SYNE1: variants seen among roughly 807,000 people sequenced by gnomAD.
SYNE1 encodes spectrin repeat containing nuclear envelope protein 1.
A neutral mutation model predicts 1,111.0 loss-of-function variants in SYNE1; 616 were observed. The ratio of observed to expected loss-of-function variants is 0.55; its 90% CI spans 0.52 to 0.59. SYNE1 has a LOEUF of 0.59. Ranked by LOEUF, SYNE1 falls within the 20% of genes least tolerant of loss-of-function variation. The pLI, the probability that SYNE1 is intolerant of heterozygous loss-of-function variation, is 0.00. For missense variants in SYNE1, 10,006 were observed against 10,417.0 expected, an observed-to-expected ratio of 0.96 and a Z score of 1.72; for synonymous variants, 3,855 against 3,825.8, an observed-to-expected ratio of 1.01 and a Z score of -0.28.
chr6:152,140,021 A>G lies in SYNE1; in HGVS notation c.25387T>C (p.Leu8463=), dbSNP rs368461726. The G allele has an allele frequency of 4.3e-6, 7 of 1,613,768 alleles. No homozygotes were observed. In the African/African-American group the frequency reaches 8.0e-5, roughly 18 times the overall value. Residue 8463 remains leucine (L), a synonymous_variant, in exon 140 of 146, where the codon TTG becomes CTG. Coordinates refer to ENST00000367255, the MANE Select transcript of SYNE1 (RefSeq NM_182961.4). ...AGTTCCAGACGCTGGAGCTGTTCCAACTCCTCCTCCGTGTCCCCCAGCCAG... is the reference window on the plus strand; with the variant it reads ...AGTTCCAGACGCTGGAGCTGTTCCAGCTCCTCCTCCGTGTCCCCCAGCCAG... The part of the protein sequence containing the change: ...WAWLGDTEEE[L]EQLQRLELST...
In SYNE1 at chr6:152,385,367, C is replaced by T. The variant is rs116482769; in HGVS notation, c.8652+307G>A. ...CTAAGTTACTATATAAACTTTTCTT[C>T]TATGGTGCTAAACAATAGTATCTGG... On this transcript the variant is annotated intron_variant, in intron 55 of 145. Transcript: ENST00000367255. 0.013 allele frequency among the ~76,000 whole-genome samples: 2,025 copies of T among 152,246 alleles called. 39 individuals are homozygous for T. Among genetic ancestry groups the T allele is most frequent in the African/African-American group, 0.04 (1,661 of 41,540 alleles).
At chr6:152,185,431 A>C (rs1187121945) in intron 128 of SYNE1, 1 of 152,206 alleles carries the variant, frequency 6.6e-6, no homozygotes, top group African/African-American at 2.4e-5. Flanking sequence ...GCACAAGCTC[A>C]TTTCCTTTTG....
rs1185654476 is a variant in SYNE1, at chr6:152,353,672, CCAGTATCT to C, written c.10991_10998del (p.Glu3664GlyfsTer53). 1 of 1,614,182 alleles carries C rather than the reference CCAGTATCT, an allele frequency of 6.2e-7. No homozygotes were observed. Among genetic ancestry groups the C allele is most frequent in the Non-Finnish European group, 8.5e-7 (1 of 1,180,044 alleles). ...ATTCTGCTGTTCACGTGGCTCTCGTCCAGTATCTCCTGAGCTCTAGCTCCCACTTCCTC... is the reference window on the plus strand; with the variant it reads ...ATTCTGCTGTTCACGTGGCTCTCGTCCCTGAGCTCTAGCTCCCACTTCCTC... On this transcript the variant is annotated frameshift_variant, in exon 68 of 146. Transcript: ENST00000367255. LOFTEE classifies it high-confidence loss of function.
intron 2 of SYNE1, among the ~76,000 whole-genome samples, chr6:152,636,017 C>T (rs531836966): frequency 1.3e-5 from 2 of 152,318 alleles, no homozygotes; most frequent in South Asian, 4.1e-4. Flanking sequence ...CTGTGCACCA[C>T]CATTTCCCAG....
Position 152,350,455 on chromosome 6 carries a change from A to G in SYNE1, c.11734-120T>C. ...AGTTAGAGCTACTTAGAAAACTACC[A>G]GGAATGGAAAACAACATAGTCATTA... On this transcript the variant is annotated intron_variant, in intron 71 of 145. Coordinates refer to ENST00000367255, the MANE Select transcript of SYNE1 (RefSeq NM_182961.4). The G allele has an allele frequency of 3.3e-6, 5 of 1,498,786 alleles. No homozygotes were observed. The South Asian group carries it at 3.4e-5, about 10-fold the overall frequency. The allele number at this position is 1,498,786 out of a possible 1,614,324, so 92.8% of individuals were successfully genotyped here. A position where few individuals can be genotyped will look rare whatever the true frequency, so the allele number is the denominator to read the frequency against.
chr6:152,618,059 G>C (rs1583518545), intron 3 of SYNE1, among the ~76,000 whole-genome samples: 1 of 152,288 alleles, frequency 6.6e-6, no homozygotes. Context: ...TCTAAGCAGG[G>C]AAGAAGACAA....
intron 39 of SYNE1, among the ~76,000 whole-genome samples, chr6:152,421,545 A>C (rs185585322): frequency 3.1e-4 from 47 of 152,194 alleles, no homozygotes; most frequent in African/African-American, 1.1e-3. Flanking sequence ...ATGTTACTAG[A>C]ATCTAACTTT....
intron 121 of SYNE1, among the ~76,000 whole-genome samples, chr6:152,217,838 C>T (rs2079111429): frequency 6.6e-6 from 1 of 152,110 alleles, no homozygotes; most frequent in Non-Finnish European, 1.5e-5. Context: ...ACTGCCAGCA[C>T]ACAGTCTACT....
chr6:152,514,673 TGAA>T (rs1241842035), intron 6 of SYNE1, among the ~76,000 whole-genome samples: 1 of 136,008 alleles, frequency 7.4e-6, no homozygotes, highest in Non-Finnish European at 1.6e-5. Context: ...AAAAAAAAAA[TGAA>T]GAGACGCCAA....
chr6:152,411,350 T>A lies in SYNE1; in HGVS notation c.6231-1641A>T, dbSNP rs998563978. Among the ~76,000 whole-genome samples the A allele has an allele frequency of 5.3e-5, 8 of 152,328 alleles. No homozygotes were observed. In the East Asian group the frequency reaches 1.5e-3, roughly 29 times the overall value. ...TTCATTTGTTATTTATTTATTTACT[T>A]ACTTATTTATTTTAGGTACCAGAGC... On this transcript the variant is annotated intron_variant, in intron 42 of 145. Coordinates refer to ENST00000367255, the MANE Select transcript of SYNE1 (RefSeq NM_182961.4).
chr6:152,629,504 C>G (rs2099693388), intron 2 of SYNE1, among the ~76,000 whole-genome samples: 1 of 76,158 alleles, frequency 1.3e-5, no homozygotes. Flanking sequence ...CCGTGCCTGG[C>G]TGGTTAAGTT....
Position 152,141,350 on chromosome 6 carries a change from G to A in SYNE1, c.25120-21C>T, listed in dbSNP as rs373283386. The stretch of plus-strand genomic sequence containing the variant: ...TTCATCTGTTTAGACATAAACAACC[G>A]GCCCCTGTCACCCAAATCTTCATGA... On this transcript the variant is annotated intron_variant, in intron 138 of 145. Transcript: ENST00000367255. The A allele has an allele frequency of 7.9e-5, 127 of 1,613,202 alleles. 1 individual carries two copies. Among genetic ancestry groups the A allele is most frequent in the African/African-American group, 5.2e-4 (39 of 74,966 alleles).
At chr6:152,314,697 T>G (rs2095654700) in intron 87 of SYNE1, among the ~76,000 whole-genome samples, 1 of 152,146 alleles carries the variant, frequency 6.6e-6, no homozygotes, top group Non-Finnish European at 1.5e-5. Flanking sequence ...ACGCTTGTAT[T>G]CCCAGAATTT....
At chr6:152,282,577 C>T (rs961168078) in intron 96 of SYNE1, among the ~76,000 whole-genome samples, 6 of 152,094 alleles carry the variant, frequency 3.9e-5, no homozygotes, top group Non-Finnish European at 7.4e-5. Context: ...TCAATCGCTT[C>T]ATTTTGAAAC....
intron 23 of SYNE1, 119 bp downstream of exon 23, chr6:152,455,767 G>A: frequency 1.4e-6 from 2 of 1,438,010 alleles, no homozygotes; most frequent in East Asian, 2.4e-5. Flanking sequence ...GACAATGATT[G>A]GCTTCCAAAC....
chr6:152,465,381 A>G lies in SYNE1; in HGVS notation c.1809T>C (p.Ser603=). Residue 603 remains serine, a synonymous_variant, in exon 18 of 146, where the codon AGT becomes AGC. Coordinates refer to ENST00000367255, the MANE Select transcript of SYNE1 (RefSeq NM_182961.4). The stretch of plus-strand genomic sequence containing the variant: ...TCACTTCTTCCAGCATGCTCCTCAC[A>G]CTCCTCACTTCTACTGAGAGATTCC... ...QWRNLSVEVR[S]VRSMLEEVIS... 6.2e-7 allele frequency: 1 copy of G among 1,613,376 alleles called. No homozygotes were observed.
At position 152,462,981 on chromosome 6, in the gene SYNE1, T is replaced by A. The variant is rs2098743223; in HGVS notation, c.2098-91A>T. The A allele has an allele frequency of 1.4e-5, 20 of 1,463,830 alleles. No individual in the cohort carries two copies. In the South Asian group the frequency reaches 2.2e-4, roughly 16 times the overall value. 90.7% of individuals were successfully genotyped at this position (1,463,830 alleles called of 1,614,324 possible). A position where few individuals can be genotyped will look rare whatever the true frequency, so the allele number is the denominator to read the frequency against. ...TTTCACTTTCACATATTCGCTGGAATTGTTATCCGGTAAGAAAGACTCTAA... is the reference window on the plus strand; with the variant it reads ...TTTCACTTTCACATATTCGCTGGAAATGTTATCCGGTAAGAAAGACTCTAA... On this transcript the variant is annotated intron_variant, in intron 19 of 145. Transcript: ENST00000367255.
rs1231867743 is a variant in SYNE1 at position 152,284,631 on chromosome 6, TTTTTTTA to T, written c.18013-466_18013-460del. On this transcript the variant is annotated intron_variant, in intron 95 of 145. Transcript: ENST00000367255. ...GGTAATTTTTTTTTTTTTTTTTTTT[TTTTTTTA>T]CTTTTTGTAAAGACAGGATCATGCT... Among the ~76,000 whole-genome samples the T allele has an allele frequency of 7.5e-5, 11 of 146,204 alleles. No homozygotes were observed. In the East Asian group the frequency reaches 1.8e-3, roughly 24 times the overall value.
At chr6:152,336,694 G>A in intron 76 of SYNE1, 147 bp downstream of exon 76, 1 of 1,048,728 alleles carries the variant, frequency 9.5e-7, no homozygotes, top group East Asian at 2.5e-5. Flanking sequence ...ATAACCTGGG[G>A]CTTGGGGACC....
Sources: allele counts gnomAD v4.1 joint callset (sites outside exome capture counted in the v4.1 genomes callset), GRCh38; gene constraint gnomAD v4.1.1; transcripts MANE v1.5; gene names NCBI Gene and HGNC (gene_info 2026-07-23, HGNC 2026-07-21).